RUBCN: variants seen among roughly 807,000 people sequenced by gnomAD.
RUBCN encodes rubicon autophagy regulator.
Under a neutral mutation model 113.2 loss-of-function variants are expected in RUBCN, and 74 were observed. The ratio of observed to expected loss-of-function variants is 0.65; its 90% CI spans 0.54 to 0.79. RUBCN has a LOEUF of 0.79. Ranked by LOEUF, RUBCN falls within the 30% of genes least tolerant of loss-of-function variation. The pLI is 0.00. For missense variants in RUBCN, 1,109 were observed against 1,251.7 expected (o/e 0.89, Z 1.72); for synonymous variants, 480 against 490.0 (o/e 0.98, Z 0.27).
intron 16 of RUBCN, among the ~76,000 whole-genome samples, 156 bp from the exon 17 acceptor site, chr3:197,677,697 G>T (rs1434752143): frequency 6.6e-6 from 1 of 152,228 alleles, no homozygotes. Flanking sequence ...GCTCCAGACT[G>T]TCCTATGCTC....
chr3:197,731,290 T>TCAGAGAG (rs1357015796), intron 1 of RUBCN, among the ~76,000 whole-genome samples: 6 of 152,128 alleles, frequency 3.9e-5, no homozygotes, highest in Admixed American at 6.5e-5. Context: ...AGCACATGTT[T>TCAGAGAG]CAGAGAGCAC....
chr3:197,704,523 C>T lies in RUBCN; in HGVS notation c.463+19G>A, dbSNP rs1454297307. On this transcript the variant is annotated intron_variant, in intron 4 of 19. Coordinates refer to ENST00000296343, the MANE Select transcript of RUBCN (RefSeq NM_014687.4). ...CAACGAGGAAGCACAGATGACAGTC[C>T]TAAGTGGCCTCTACCTACCTGTGTA... is the stretch of plus-strand genomic sequence containing the variant. The T allele has an allele frequency of 6.2e-7, 1 of 1,612,144 alleles. No homozygotes were observed. Among genetic ancestry groups the T allele is most frequent in the South Asian group, 1.1e-5 (1 of 90,980 alleles).
chr3:197,682,413 T>C (rs566530203), intron 14 of RUBCN, 57 bp downstream of exon 14: 1 of 1,607,550 alleles, frequency 6.2e-7, no homozygotes, highest in Admixed American at 1.7e-5. Flanking sequence ...ACGAAAACCC[T>C]GACAATCCAA....
At position 197,700,689 on chromosome 3, in the gene RUBCN, G is replaced by A; in HGVS notation, c.1185C>T (p.Leu395=). The change falls in exon 7 of 20, where the codon CTC becomes CTT. Residue 395 remains leucine, a synonymous_variant. Coordinates refer to ENST00000296343, the MANE Select transcript of RUBCN (RefSeq NM_014687.4). ...RRSSFSEGQT[L]TVTSGAKKSH... is the part of the protein sequence containing the mutation. ...TTTTCTTTGCCCCACTGGTGACAGT[G>A]AGTGTCTGCCCCTCTGAGAAGCTGG... The A allele has an allele frequency of 6.2e-7, 1 of 1,614,170 alleles. No homozygotes were observed. Among genetic ancestry groups the A allele is most frequent in the South Asian group, 1.1e-5 (1 of 91,084 alleles).
intron 11 of RUBCN, among the ~76,000 whole-genome samples, chr3:197,689,532 C>T (rs1037381485): frequency 1.3e-5 from 2 of 152,100 alleles, no homozygotes; most frequent in Non-Finnish European, 2.9e-5. Flanking sequence ...CCACAGAGGA[C>T]TGGGACTAAA....
chr3:197,675,072 C>A lies in RUBCN; in HGVS notation c.2865G>T (p.Glu955Asp). The A allele has an allele frequency of 6.2e-7, 1 of 1,613,440 alleles. No individual in the cohort carries two copies. The change falls in exon 20 of 20, where the codon GAG (glutamate) becomes GAT (aspartate). Residue 955 changes from glutamate (E) to aspartate (D), a missense_variant. This residue lies in a region of RUBCN where 306 missense variants were observed against 348.9 expected (regional missense o/e 0.88). Transcript: ENST00000296343. This position sits in a 1 kb window ranked among gnomAD's most constrained non-coding sequence, Gnocchi z 4.4. ...GGGCCAGCGCTTCCGCGGGCTCCTC[C>A]TCGTAGTCTGACAGGTAAGACTCCA... is the stretch of plus-strand genomic sequence containing the variant. ...QSLESYLSDY[E>D]EEPAEALALE...
rs529576082 is a variant in RUBCN at position 197,669,526 on chromosome 3, C to T, written c.*5492G>A. 2.6e-5 allele frequency among the ~76,000 whole-genome samples: 4 copies of T among 152,272 alleles called. No homozygotes were observed. The South Asian group carries it at 6.2e-4, about 24-fold the overall frequency. The stretch of plus-strand genomic sequence containing the variant: ...CTGAATGAATGTCAGGGAAGATGTA[C>T]CCCTTTCATTGTATTAGTAGGTACA... On this transcript the variant is annotated 3_prime_UTR_variant, in exon 20 of 20. Transcript: ENST00000296343.
intron 1 of RUBCN, among the ~76,000 whole-genome samples, chr3:197,736,200 G>A (rs1247244710): frequency 2.6e-5 from 4 of 152,064 alleles, no homozygotes; most frequent in Admixed American, 2.0e-4. Context: ...TTCTTCCGAG[G>A]CCACTCATAA....
upstream of RUBCN, among the ~76,000 whole-genome samples, chr3:197,739,867 C>T (rs971977998): frequency 6.6e-6 from 1 of 152,092 alleles, no homozygotes; most frequent in Non-Finnish European, 1.5e-5. Flanking sequence ...GAAACTCTGT[C>T]TCTACTAAAA....
Position 197,684,142 on chromosome 3 carries a change from A to T in RUBCN, c.1847+15T>A. Reference sequence around the variant, plus strand: ...AGGTTTTCTTTTCTTTTTTTTGGTAAAAAAAAGTACTCACAAGGACTGGGA... The same window carrying T: ...AGGTTTTCTTTTCTTTTTTTTGGTATAAAAAAGTACTCACAAGGACTGGGA... On this transcript the variant is annotated intron_variant, in intron 12 of 19. Transcript: ENST00000296343. The T allele has an allele frequency of 6.3e-7, 1 of 1,596,094 alleles. No homozygotes were observed.
At chr3:197,697,561 G>C (rs1269253979) in intron 7 of RUBCN, among the ~76,000 whole-genome samples, 1 of 152,192 alleles carries the variant, frequency 6.6e-6, no homozygotes, top group African/African-American at 2.4e-5. Context: ...GAGAAGCCCA[G>C]GGAGAGGGCC....
At chr3:197,743,052 C>T (rs952703538) in intron 1 of RUBCN, among the ~76,000 whole-genome samples, 2 of 152,292 alleles carry the variant, frequency 1.3e-5, no homozygotes, top group African/African-American at 4.8e-5. Context: ...TTCCCTTGTC[C>T]ACCCAGAGCA....
chr3:197,677,372 C>T, intron 17 of RUBCN, 108 bp downstream of exon 17: 1 of 976,100 alleles, frequency 1.0e-6, no homozygotes, highest in Non-Finnish European at 1.7e-6. Context: ...TACAGTTCTG[C>T]AAAATCTCTC....
intron 11 of RUBCN, among the ~76,000 whole-genome samples, chr3:197,685,186 A>G (rs116620449): frequency 0.01 from 1,551 of 152,306 alleles, 17 homozygotes; most frequent in African/African-American, 0.036. Context: ...TCATCTACCC[A>G]AATACTTTTG....
chr3:197,678,133 C>A (rs1456305904), intron 16 of RUBCN, among the ~76,000 whole-genome samples: 2 of 133,440 alleles, frequency 1.5e-5, no homozygotes, highest in African/African-American at 3.6e-5. Flanking sequence ...TAACTCGACA[C>A]CTGGCTTCAG....
At chr3:197,697,667 A>C (rs755825768) in intron 7 of RUBCN, among the ~76,000 whole-genome samples, 1 of 152,194 alleles carries the variant, frequency 6.6e-6, no homozygotes, top group African/African-American at 2.4e-5. Flanking sequence ...TGGGACAGGA[A>C]GAGCGAGAGC....
At chr3:197,743,121 A>C (rs1443773412) in intron 1 of RUBCN, among the ~76,000 whole-genome samples, 2 of 152,230 alleles carry the variant, frequency 1.3e-5, no homozygotes, top group Non-Finnish European at 2.9e-5. Context: ...GTGCTCCTTT[A>C]AACTTGCTAG....
chr3:197,709,888 G>C (rs2108933532), intron 2 of RUBCN, among the ~76,000 whole-genome samples: 1 of 152,190 alleles, frequency 6.6e-6, no homozygotes, highest in East Asian at 1.9e-4. Flanking sequence ...TGCAGAGTAG[G>C]CTGGGTGTGG....
At chr3:197,705,424 C>T (rs1312853047) in intron 2 of RUBCN, among the ~76,000 whole-genome samples, 3 of 151,810 alleles carry the variant, frequency 2.0e-5, no homozygotes, top group African/African-American at 4.8e-5. Flanking sequence ...AAGCTTACCC[C>T]GAGTGGTGGG....
Sources: allele counts gnomAD v4.1 joint callset (sites outside exome capture counted in the v4.1 genomes callset), GRCh38; gene constraint gnomAD v4.1.1; regional missense constraint gnomAD v4.1.1; non-coding constraint Gnocchi (gnomAD v3.1); transcripts MANE v1.5; gene names NCBI Gene and HGNC (gene_info 2026-07-23, HGNC 2026-07-21).